Variants in GRID2 observed in about 807,000 individuals in gnomAD.
GRID2 encodes glutamate receptor ionotropic, delta-2.
GRID2 carries 33 observed loss-of-function variants against 114.8 expected under a neutral mutation model. The observed-to-expected ratio is 0.29, with a 90% CI of 0.22 to 0.38. The LOEUF (loss-of-function observed/expected upper bound fraction) is 0.38, where lower values mean the gene tolerates loss of function less well. Among genes scored for constraint, GRID2 ranks in the 10% least tolerant of loss-of-function variants. The probability of loss-of-function intolerance (pLI) is 1.00; values close to 1 mark genes in which losing one functional copy is unlikely to be tolerated. For synonymous variants in GRID2, 505 were observed against 449.9 expected, an observed-to-expected ratio of 1.12 and a Z score of -1.55; for missense variants, 1,184 against 1,257.7, an observed-to-expected ratio of 0.94 and a Z score of 0.89.
At chr4:92,393,150 A>C (rs998962454) in intron 1 of GRID2, among the ~76,000 whole-genome samples, 8 of 152,260 alleles carry the variant, frequency 5.3e-5, no homozygotes, top group African/African-American at 1.9e-4. Context: ...ACACTTTAAA[A>C]TGACTAGATC....
intron 2 of GRID2, among the ~76,000 whole-genome samples, chr4:93,006,596 A>G (rs1392112378): frequency 2.6e-5 from 3 of 117,304 alleles, no homozygotes; most frequent in Non-Finnish European, 5.5e-5. Flanking sequence ...GGCCCTACTG[A>G]AAAAAAAAAG....
chr4:92,709,589 A>AAAT (rs779775767), intron 2 of GRID2, among the ~76,000 whole-genome samples: 183 of 114,626 alleles, frequency 1.6e-3, no homozygotes, highest in Non-Finnish European at 2.3e-3. Context: ...AAAAAAAAAA[A>AAAT]ATATATATAT....
intron 2 of GRID2, among the ~76,000 whole-genome samples, chr4:93,052,456 G>T (rs577771092): frequency 6.6e-6 from 1 of 151,952 alleles, no homozygotes; most frequent in African/African-American, 2.4e-5. Context: ...TATTGCCAGG[G>T]TTATATGGTG....
intron 11 of GRID2, among the ~76,000 whole-genome samples, chr4:93,463,885 A>G (rs1724005870): frequency 6.6e-6 from 1 of 152,092 alleles, no homozygotes; most frequent in Admixed American, 6.5e-5. Context: ...GCTACTCGGG[A>G]GGCTGAGGCA....
intron 1 of GRID2, among the ~76,000 whole-genome samples, chr4:92,475,601 TAG>T (rs1365234895): frequency 6.6e-6 from 1 of 152,006 alleles, no homozygotes; most frequent in Non-Finnish European, 1.5e-5. Flanking sequence ...GAAATCCAGG[TAG>T]AGAGATGCCT....
chr4:92,440,966 A>G (rs955936979), intron 1 of GRID2, among the ~76,000 whole-genome samples: 1 of 151,998 alleles, frequency 6.6e-6, no homozygotes, highest in Non-Finnish European at 1.5e-5. Context: ...TAGATTTTGG[A>G]AGTTATGAGA....
intron 13 of GRID2, among the ~76,000 whole-genome samples, chr4:93,536,355 A>G: frequency 6.6e-6 from 1 of 151,916 alleles, no homozygotes; most frequent in Non-Finnish European, 1.5e-5. Context: ...ATAAAAACAG[A>G]CACATAGGCT....
Position 93,275,431 on chromosome 4 carries a change from C to CATAT in GRID2, c.1245+36957_1245+36960dup, listed in dbSNP as rs3078736. ...TTTTTTCATTTCTGTTGGATATATACATATATATATATATATATACCTAGG... is the reference window on the plus strand; with the variant it reads ...TTTTTTCATTTCTGTTGGATATATACATATATATATATATATATATATACCTAGG... On this transcript the variant is annotated intron_variant, in intron 8 of 15. Coordinates refer to ENST00000282020, the MANE Select transcript of GRID2 (RefSeq NM_001510.4). Among the ~76,000 whole-genome samples the CATAT allele has an allele frequency of 6.8e-5, 10 of 148,048 alleles. 1 individual carries two copies. In the South Asian group the frequency reaches 8.5e-4, roughly 13 times the overall value.
chr4:92,749,247 C>T (rs554283424), intron 2 of GRID2, among the ~76,000 whole-genome samples: 1 of 151,830 alleles, frequency 6.6e-6, no homozygotes, highest in East Asian at 1.9e-4. Context: ...CGTGATCTGC[C>T]CGCCTCCCAA....
Position 93,486,198 on chromosome 4 carries a change from A to C in GRID2, c.1859-4441A>C, listed in dbSNP as rs892493036. On this transcript the variant is annotated intron_variant, in intron 11 of 15. Coordinates refer to ENST00000282020, the MANE Select transcript of GRID2 (RefSeq NM_001510.4). ...AAATAAAATCTTTTTTTGAACACTG[A>C]TTCTGTAACATAGCAAGCTGATAAC... Among the ~76,000 whole-genome samples, 14 of 151,718 alleles carry C rather than the reference A, an allele frequency of 9.2e-5. No individual in the cohort carries two copies. The East Asian group carries it at 2.7e-3, about 30-fold the overall frequency.
intron 11 of GRID2, among the ~76,000 whole-genome samples, chr4:93,469,134 C>T (rs1261552035): frequency 6.6e-6 from 1 of 152,026 alleles, no homozygotes; most frequent in African/African-American, 2.4e-5. Flanking sequence ...TGAAGAAGGC[C>T]ATTCTTTTCT....
intron 2 of GRID2, among the ~76,000 whole-genome samples, chr4:93,042,299 CTATATATA>C (rs771214923): frequency 7.2e-4 from 74 of 102,656 alleles, no homozygotes; most frequent in Middle Eastern, 5.4e-3. Flanking sequence ...CTCTCTCTCT[CTATATATA>C]TATATATATA....
At chr4:93,526,498 A>C (rs574529069) in intron 13 of GRID2, among the ~76,000 whole-genome samples, 1 of 152,344 alleles carries the variant, frequency 6.6e-6, no homozygotes, top group Non-Finnish European at 1.5e-5. Context: ...CAGAGTATAC[A>C]TCTTTATGAC....
intron 1 of GRID2, among the ~76,000 whole-genome samples, chr4:92,354,042 G>A (rs958230549): frequency 1.3e-5 from 2 of 151,986 alleles, no homozygotes; most frequent in African/African-American, 4.8e-5. Flanking sequence ...CAAAAAGAGA[G>A]ACAAATGCCA....
At chr4:93,513,551 A>C (rs1255453693) in intron 12 of GRID2, among the ~76,000 whole-genome samples, 2 of 152,144 alleles carry the variant, frequency 1.3e-5, no homozygotes, top group African/African-American at 4.8e-5. Flanking sequence ...GCTTTAGTTT[A>C]CCTTTTACAA....
At chr4:93,041,156 A>G (rs1725479849) in intron 2 of GRID2, among the ~76,000 whole-genome samples, 1 of 152,168 alleles carries the variant, frequency 6.6e-6, no homozygotes, top group Non-Finnish European at 1.5e-5. Flanking sequence ...TATCTTGATG[A>G]ATTCAAGGTA....
intron 2 of GRID2, among the ~76,000 whole-genome samples, chr4:92,870,906 C>A (rs1369831807): frequency 6.6e-6 from 1 of 152,072 alleles, no homozygotes; most frequent in Non-Finnish European, 1.5e-5. Context: ...ATATGAATAA[C>A]TTGTGATAAC....
chr4:92,466,630 G>A lies in GRID2; in HGVS notation c.89-123501G>A, dbSNP rs149382038. Reference sequence around the variant, plus strand: ...CATTTCCTTGGTTTCTTTTACAGTCGTTTCCCTATTAAATCAGTTAGCTTT... The same window carrying A: ...CATTTCCTTGGTTTCTTTTACAGTCATTTCCCTATTAAATCAGTTAGCTTT... On this transcript the variant is annotated intron_variant, in intron 1 of 15. Coordinates refer to ENST00000282020, the MANE Select transcript of GRID2 (RefSeq NM_001510.4). Among the ~76,000 whole-genome samples the A allele has an allele frequency of 3.3e-3, 508 of 151,698 alleles. 3 individuals carry two copies. Among genetic ancestry groups the A allele is most frequent in the African/African-American group, 0.01 (422 of 41,450 alleles).
In GRID2 at chr4:92,770,740, G is replaced by A. The variant is rs190790085; in HGVS notation, c.244+180454G>A. Among the ~76,000 whole-genome samples, 332 of 152,092 alleles carry A rather than the reference G, an allele frequency of 2.2e-3. 1 individual carries two copies. Among genetic ancestry groups the A allele is most frequent in the African/African-American group, 4.9e-3 (205 of 41,502 alleles). On this transcript the variant is annotated intron_variant, in intron 2 of 15. Transcript: ENST00000282020. ...ACTCATTCACTATCACGAGAAAAGCGCGGGAAAGACCCACCACCATAATTC... is the reference window on the plus strand; with the variant it reads ...ACTCATTCACTATCACGAGAAAAGCACGGGAAAGACCCACCACCATAATTC...
Sources: allele counts gnomAD v4.1 joint callset (sites outside exome capture counted in the v4.1 genomes callset), GRCh38; gene constraint gnomAD v4.1.1; transcripts MANE v1.5; gene names NCBI Gene and HGNC (gene_info 2026-07-23, HGNC 2026-07-21).